LRRC72: variants seen among roughly 807,000 people sequenced by gnomAD.
LRRC72 encodes leucine rich repeat containing 72.
LRRC72 carries 41 observed loss-of-function variants against 35.8 expected under a neutral mutation model. The observed-to-expected ratio is 1.15, with a 90% CI of 0.89 to 1.49. LRRC72 has a LOEUF of 1.49. LRRC72 is among the 40% of genes most tolerant of loss of function. The pLI, the probability that LRRC72 is intolerant of heterozygous loss-of-function variation, is 0.00. For missense variants in LRRC72, 389 were observed against 330.7 expected, an observed-to-expected ratio of 1.18 and a Z score of -1.37; for synonymous variants, 118 against 119.2, an observed-to-expected ratio of 0.99 and a Z score of 0.07.
rs1458370561 is a variant in LRRC72, at chr7:16,527,058, C to T, written c.90+16C>T. ...CAGTCGCCGGGTAAGCGGCACCTGC[C>T]TTCCCAAGCCATCAGCCCCTTTGGC... On this transcript the variant is annotated intron_variant, in intron 1 of 8. Coordinates refer to ENST00000401542, the MANE Select transcript of LRRC72 (RefSeq NM_001195280.2). The T allele has an allele frequency of 1.3e-6, 2 of 1,535,258 alleles. No homozygotes were observed. The highest frequency in any genetic ancestry group is 2.4e-5 in the East Asian group (1 of 40,886).
chr7:16,546,945 G>A (rs745897436), intron 3 of LRRC72, among the ~76,000 whole-genome samples: 4 of 152,192 alleles, frequency 2.6e-5, no homozygotes, highest in Non-Finnish European at 4.4e-5. Flanking sequence ...CATTATACCA[G>A]CTGCAGCAGG....
At chr7:16,538,242 C>A (rs1296075303) in intron 3 of LRRC72, among the ~76,000 whole-genome samples, 3 of 152,210 alleles carry the variant, frequency 2.0e-5, no homozygotes, top group Non-Finnish European at 2.9e-5. Flanking sequence ...CTTCTTATCT[C>A]CACTTCAGCC....
intron 3 of LRRC72, among the ~76,000 whole-genome samples, chr7:16,538,509 G>A (rs957179928): frequency 8.5e-5 from 13 of 152,052 alleles, no homozygotes; most frequent in South Asian, 6.2e-4. Flanking sequence ...TCACCCTCAC[G>A]TGCAGAATCC....
chr7:16,570,829 A>G (rs1782931111), intron 7 of LRRC72, among the ~76,000 whole-genome samples: 2 of 152,144 alleles, frequency 1.3e-5, no homozygotes, highest in African/African-American at 4.8e-5. Flanking sequence ...CAAACAAACA[A>G]AAAACCCATA....
At chr7:16,529,871 A>G (rs1782132813) in intron 1 of LRRC72, among the ~76,000 whole-genome samples, 1 of 152,220 alleles carries the variant, frequency 6.6e-6, no homozygotes, top group African/African-American at 2.4e-5. Flanking sequence ...TCAAATTAAT[A>G]TGTGGTTATT....
At chr7:16,572,215 T>C (rs1216344070) in intron 7 of LRRC72, among the ~76,000 whole-genome samples, 1 of 152,220 alleles carries the variant, frequency 6.6e-6, no homozygotes, top group African/African-American at 2.4e-5. Flanking sequence ...ACAGCTGAGT[T>C]CTACCAGAGG....
At chr7:16,566,110 AT>A (rs1782833801) in intron 5 of LRRC72, among the ~76,000 whole-genome samples, 1 of 152,208 alleles carries the variant, frequency 6.6e-6, no homozygotes, top group Non-Finnish European at 1.5e-5. Flanking sequence ...CTTGGTAAAT[AT>A]TTGTTGAATG....
At chr7:16,569,081 T>C (rs1366424840) in intron 7 of LRRC72, among the ~76,000 whole-genome samples, 4 of 152,124 alleles carry the variant, frequency 2.6e-5, no homozygotes, top group South Asian at 2.1e-4. Context: ...TCAACAAGTG[T>C]TCATATTCTG....
chr7:16,536,417 C>T (rs1782258599), intron 2 of LRRC72, among the ~76,000 whole-genome samples: 1 of 151,164 alleles, frequency 6.6e-6, no homozygotes, highest in South Asian at 2.1e-4. Flanking sequence ...AGGACAATGC[C>T]CTGATATAGG....
At chr7:16,565,519 T>C (rs1403884677) in intron 5 of LRRC72, among the ~76,000 whole-genome samples, 2 of 152,022 alleles carry the variant, frequency 1.3e-5, no homozygotes, top group Non-Finnish European at 2.9e-5. Flanking sequence ...CTAGGATGAA[T>C]AGGGAAAATA....
intron 3 of LRRC72, among the ~76,000 whole-genome samples, chr7:16,542,404 G>T (rs184823181): frequency 1.3e-5 from 2 of 152,310 alleles, no homozygotes; most frequent in East Asian, 1.9e-4. Context: ...ATCTGAGACA[G>T]GTCTCAATCA....
At chr7:16,544,130 G>A (rs1782405102) in intron 3 of LRRC72, among the ~76,000 whole-genome samples, 1 of 152,176 alleles carries the variant, frequency 6.6e-6, no homozygotes, top group South Asian at 2.1e-4. Flanking sequence ...TTTGATAGCT[G>A]CCTGGAATGA....
chr7:16,527,944 GCTGTTCTCCC>G (rs1462718693), intron 1 of LRRC72, among the ~76,000 whole-genome samples: 2 of 152,110 alleles, frequency 1.3e-5, no homozygotes, highest in Non-Finnish European at 2.9e-5. Context: ...AGAAGCAGCT[GCTGTTCTCCC>G]CATGCTAGAA....
At chr7:16,531,518 A>T (rs2128334315) in intron 1 of LRRC72, among the ~76,000 whole-genome samples, 2 of 152,316 alleles carry the variant, frequency 1.3e-5, no homozygotes, top group East Asian at 1.9e-4. Flanking sequence ...ACCACTGTCA[A>T]AATTTCATAT....
At chr7:16,531,744 G>A (rs1782168778) in intron 1 of LRRC72, among the ~76,000 whole-genome samples, 1 of 152,084 alleles carries the variant, frequency 6.6e-6, no homozygotes, top group Non-Finnish European at 1.5e-5. Flanking sequence ...TTTAGGTCAT[G>A]TGGCCTATTA....
At chr7:16,545,860 C>G (rs538163799) in intron 3 of LRRC72, among the ~76,000 whole-genome samples, 4 of 151,834 alleles carry the variant, frequency 2.6e-5, no homozygotes, top group Non-Finnish European at 5.9e-5. Context: ...AAAATATAAC[C>G]TATTTTTCGA....
chr7:16,578,750 A>G (rs148541629), intron 7 of LRRC72, among the ~76,000 whole-genome samples: 3 of 152,228 alleles, frequency 2.0e-5, no homozygotes, highest in South Asian at 2.1e-4. Flanking sequence ...CATTGTAAGT[A>G]AAGTATGCGC....
chr7:16,565,028 GT>G (rs1231103183), intron 5 of LRRC72, among the ~76,000 whole-genome samples: 6 of 152,194 alleles, frequency 3.9e-5, no homozygotes, highest in African/African-American at 7.2e-5. Flanking sequence ...ATTTTATTGA[GT>G]GAAGGAGTTG....
chr7:16,528,382 G>A (rs537866322), intron 1 of LRRC72, among the ~76,000 whole-genome samples: 21 of 152,044 alleles, frequency 1.4e-4, no homozygotes, highest in Admixed American at 3.3e-4. Context: ...TCTGGTGGGC[G>A]CCTTGACCAG....
Sources: allele counts gnomAD v4.1 joint callset (sites outside exome capture counted in the v4.1 genomes callset), GRCh38; gene constraint gnomAD v4.1.1; transcripts MANE v1.5; gene names NCBI Gene and HGNC (gene_info 2026-07-23, HGNC 2026-07-21).